TCP10L: variants seen among roughly 807,000 people sequenced by gnomAD.
TCP10L encodes the protein t-complex 10 like.
In TCP10L, 11 loss-of-function variants were observed where a neutral mutation model predicts 19.2. The ratio of observed to expected loss-of-function variants is 0.57; its 90% CI spans 0.36 to 0.95. The LOEUF (loss-of-function observed/expected upper bound fraction) is 0.95, where lower values mean the gene tolerates loss of function less well. Ranked by LOEUF, TCP10L falls within the 40% of genes least tolerant of loss-of-function variation. The pLI is 0.01. For synonymous variants in TCP10L, 96 were observed against 97.2 expected, an observed-to-expected ratio of 0.99 and a Z score of 0.07; for missense variants, 247 against 263.9, an observed-to-expected ratio of 0.94 and a Z score of 0.44.
At chr21:32,585,210 G>C (rs1299596753) in intron 1 of TCP10L, among the ~76,000 whole-genome samples, 1 of 152,216 alleles carries the variant, frequency 6.6e-6, no homozygotes, top group Non-Finnish European at 1.5e-5. Context: ...AGACCTACCA[G>C]TAACCAGATC....
At chr21:32,584,798 C>T (rs1311244210) in intron 1 of TCP10L, among the ~76,000 whole-genome samples, 3 of 152,042 alleles carry the variant, frequency 2.0e-5, no homozygotes, top group South Asian at 2.1e-4. Flanking sequence ...CTTTAATCAG[C>T]ACCCACCTGG....
chr21:32,577,110 A>C (rs2038444567), intron 4 of TCP10L, among the ~76,000 whole-genome samples, 187 bp from the exon 5 acceptor site: 3 of 152,216 alleles, frequency 2.0e-5, no homozygotes, highest in Admixed American at 2.0e-4. Flanking sequence ...CTCTTGTGAA[A>C]TTTGGGATTC....
rs2038466689 is a variant in TCP10L at position 32,579,269 on chromosome 21, C to T, written c.361-438G>A. Reference sequence around the variant, plus strand: ...CTGTTATCAGCAGACTGACCTGGAACAGGGTGATCCTTCAGGTGGGATGAG... The same window carrying T: ...CTGTTATCAGCAGACTGACCTGGAATAGGGTGATCCTTCAGGTGGGATGAG... On this transcript the variant is annotated intron_variant, in intron 3 of 4. Transcript: ENST00000300258. 2.0e-5 allele frequency among the ~76,000 whole-genome samples: 3 copies of T among 152,192 alleles called. No homozygotes were observed. The South Asian group carries it at 6.2e-4, about 32-fold the overall frequency.
rs540291894 is a variant in TCP10L, at chr21:32,573,879, G to T, written c.*2895C>A. 6.6e-6 allele frequency among the ~76,000 whole-genome samples: 1 copy of T among 152,108 alleles called. No homozygotes were observed. Among genetic ancestry groups the T allele is most frequent in the Non-Finnish European group, 1.5e-5 (1 of 68,028 alleles). On this transcript the variant is annotated 3_prime_UTR_variant, in exon 5 of 5. Transcript: ENST00000300258. ...CATACAAATAACACCTGCCATGACT[G>T]TGGCACTGTTTCTAAATGCAGATCA...
intron 3 of TCP10L, among the ~76,000 whole-genome samples, chr21:32,579,216 G>A (rs937896278): frequency 6.6e-6 from 1 of 152,208 alleles, no homozygotes; most frequent in African/African-American, 2.4e-5. Flanking sequence ...ACTTGTCTAA[G>A]ATCCAAAATG....
In TCP10L at chr21:32,576,871, T is replaced by C; in HGVS notation, c.551A>G (p.Glu184Gly). 1 of 1,614,236 alleles carries C rather than the reference T, an allele frequency of 6.2e-7. No homozygotes were observed. ...RISSWKTPPQ[E>G]NRDKNLSRRR... ...CCTGGAAAGATTTTTATCTCTATTTTCCTGTGGTGGTGTTTTCCACGAGCT... is the reference window on the plus strand; with the variant it reads ...CCTGGAAAGATTTTTATCTCTATTTCCCTGTGGTGGTGTTTTCCACGAGCT... Residue 184 changes from glutamate to glycine, a missense_variant, in exon 5 of 5, where the codon GAA becomes GGA. Transcript: ENST00000300258.
Position 32,576,378 on chromosome 21 carries a change from A to G in TCP10L, c.*396T>C. 2 of 1,194,958 alleles carry G rather than the reference A, an allele frequency of 1.7e-6. No homozygotes were observed. The highest frequency in any genetic ancestry group is 2.4e-6 in the Non-Finnish European group (2 of 847,056). 74.0% of individuals were successfully genotyped at this position (1,194,958 alleles called of 1,614,324 possible). Reference sequence around the variant, plus strand: ...TGTCACAAGGTCCCTGGAGCGGGCAATGCCTTGAGCCCAAAGGCTGGGAGC... The same window carrying G: ...TGTCACAAGGTCCCTGGAGCGGGCAGTGCCTTGAGCCCAAAGGCTGGGAGC... On this transcript the variant is annotated 3_prime_UTR_variant, in exon 5 of 5. Coordinates refer to ENST00000300258, the MANE Select transcript of TCP10L (RefSeq NM_144659.7).
chr21:32,584,134 ACT>A, intron 2 of TCP10L, 25 bp downstream of exon 2: 3 of 1,599,800 alleles, frequency 1.9e-6, no homozygotes, highest in South Asian at 1.1e-5. Context: ...GGTGGGACTA[ACT>A]CTGTCCCCAC....
At position 32,578,900 on chromosome 21, in the gene TCP10L, T is replaced by G; in HGVS notation, c.361-69A>C. 6.2e-7 allele frequency: 1 copy of G among 1,608,960 alleles called. No individual in the cohort carries two copies. Among genetic ancestry groups the G allele is most frequent in the Middle Eastern group, 1.7e-4 (1 of 5,904 alleles). On this transcript the variant is annotated intron_variant, in intron 3 of 4. Transcript: ENST00000300258. The surrounding 1 kb of genome is among the most constrained non-coding windows in gnomAD (Gnocchi z 4.2). ...AAAATAAATTCAAATTTTAATACAA[T>G]GAAGAATAATTGGAATGTCCTAGAA...
chr21:32,584,535 A>G (rs1188569092), intron 1 of TCP10L, among the ~76,000 whole-genome samples: 1 of 152,134 alleles, frequency 6.6e-6, no homozygotes, highest in African/African-American at 2.4e-5. Flanking sequence ...TCCGTGGAAA[A>G]TGCTTTAGAT....
chr21:32,582,190 CT>C lies in TCP10L; in HGVS notation c.360+9del. 1 of 1,611,412 alleles carries C rather than the reference CT, an allele frequency of 6.2e-7. No homozygotes were observed. Among genetic ancestry groups the C allele is most frequent in the Non-Finnish European group, 8.5e-7 (1 of 1,179,104 alleles). On this transcript the variant is annotated intron_variant, in intron 3 of 4. Coordinates refer to ENST00000300258, the MANE Select transcript of TCP10L (RefSeq NM_144659.7). The surrounding 1 kb of genome is among the most constrained non-coding windows in gnomAD (Gnocchi z 4.2). ...CAAACGGTACAAAAACATAAATGCG[CT>C]TTTGGTACCAGAGTGTGCGATTCTT...
rs1424522232 is a variant in TCP10L at position 32,582,464 on chromosome 21, G to A, written c.145-49C>T. 6.4e-7 allele frequency: 1 copy of A among 1,560,454 alleles called. No individual in the cohort carries two copies. Among genetic ancestry groups the A allele is most frequent in the Non-Finnish European group, 8.7e-7 (1 of 1,150,366 alleles). ...GAAAAACCTCTCAGATGTCACAATG[G>A]GCACATTTATCTGCAAAATACTCAA... On this transcript the variant is annotated intron_variant, in intron 2 of 4. Coordinates refer to ENST00000300258, the MANE Select transcript of TCP10L (RefSeq NM_144659.7). This position sits in a 1 kb window ranked among gnomAD's most constrained non-coding sequence, Gnocchi z 4.2.
rs1171975684 is a variant in TCP10L, at chr21:32,576,740, A to G, written c.*34T>C. 1 of 1,606,238 alleles carries G rather than the reference A, an allele frequency of 6.2e-7. No homozygotes were observed. Among genetic ancestry groups the G allele is most frequent in the Non-Finnish European group, 8.5e-7 (1 of 1,176,896 alleles). ...TGAATTTTCCAAGGGGCCAGTGTAG[A>G]GTGACACAGGTGTCCGAGGCCACCT... On this transcript the variant is annotated 3_prime_UTR_variant, in exon 5 of 5. Coordinates refer to ENST00000300258, the MANE Select transcript of TCP10L (RefSeq NM_144659.7).
intron 2 of TCP10L, among the ~76,000 whole-genome samples, chr21:32,583,451 T>C (rs1176503721): frequency 6.6e-6 from 1 of 150,402 alleles, no homozygotes; most frequent in African/African-American, 2.4e-5. Context: ...TAGCCGGGCG[T>C]AGTGGCGGGC....
Position 32,578,687 on chromosome 21 carries a change from G to A in TCP10L, c.498+7C>T. ...TCTCTTTACAGATGATAAGCACAAA[G>A]GGTCACCTTTGGAGGAGCTGAATTG... On this transcript the variant is annotated splice_region_variant and intron_variant, in intron 4 of 4. Coordinates refer to ENST00000300258, the MANE Select transcript of TCP10L (RefSeq NM_144659.7). The surrounding 1 kb of genome is among the most constrained non-coding windows in gnomAD (Gnocchi z 4.2). 1.2e-6 allele frequency: 2 copies of A among 1,612,904 alleles called. No homozygotes were observed. Among genetic ancestry groups the A allele is most frequent in the Non-Finnish European group, 1.7e-6 (2 of 1,179,648 alleles).
chr21:32,583,588 CAAAAAAAAAAA>C (rs771224269), intron 2 of TCP10L, among the ~76,000 whole-genome samples: 7 of 82,912 alleles, frequency 8.4e-5, no homozygotes, highest in Admixed American at 2.7e-4. Flanking sequence ...GACTCCGTCT[CAAAAAAAAAAA>C]AAAAAAAAAA....
chr21:32,580,500 G>GTA (rs1439728167), intron 3 of TCP10L, among the ~76,000 whole-genome samples: 1 of 151,222 alleles, frequency 6.6e-6, no homozygotes, highest in Non-Finnish European at 1.5e-5. Flanking sequence ...GTGTGTGTGT[G>GTA]TGTGTGTGTG....
chr21:32,574,997 G>A lies in TCP10L; in HGVS notation c.*1777C>T, dbSNP rs919191036. ...CAGGCAAACACAGAAGAGAAAAGCCGAATCCCTGTGACACTGGCTTACGGG... is the reference window on the plus strand; with the variant it reads ...CAGGCAAACACAGAAGAGAAAAGCCAAATCCCTGTGACACTGGCTTACGGG... On this transcript the variant is annotated 3_prime_UTR_variant, in exon 5 of 5. Coordinates refer to ENST00000300258, the MANE Select transcript of TCP10L (RefSeq NM_144659.7). The A allele has an allele frequency of 1.3e-5, 2 of 152,186 alleles. No individual in the cohort carries two copies. The highest frequency in any genetic ancestry group is 2.4e-5 in the African/African-American group (1 of 41,438). 9.4% of individuals were successfully genotyped at this position (152,186 alleles called of 1,614,324 possible).
In TCP10L at chr21:32,583,024, CTTTTTT is replaced by C. The variant is rs59972145; in HGVS notation, c.145-615_145-610del. 8.7e-3 allele frequency among the ~76,000 whole-genome samples: 821 copies of C among 94,716 alleles called. 9 individuals are homozygous for C. The highest frequency in any genetic ancestry group is 0.034 in the African/African-American group (770 of 22,846). The allele number at this position is 94,716 out of a possible 152,430, so 62.1% of individuals were successfully genotyped here. ...GCAAAAAGAGGCTGGCATTCTTTTCCTTTTTTTTTTTTTTTTTTTTTTTTTTTTGAG... is the reference window on the plus strand; with the variant it reads ...GCAAAAAGAGGCTGGCATTCTTTTCCTTTTTTTTTTTTTTTTTTTTTTGAG... On this transcript the variant is annotated intron_variant, in intron 2 of 4. Coordinates refer to ENST00000300258, the MANE Select transcript of TCP10L (RefSeq NM_144659.7).
Sources: gnomAD v4.1 joint callset for allele counts (sites outside exome capture counted in the v4.1 genomes callset) on GRCh38, gnomAD v4.1.1 for gene constraint, Gnocchi (gnomAD v3.1) non-coding constraint, MANE v1.5 for transcripts, NCBI Gene and HGNC (gene_info 2026-07-23, HGNC 2026-07-21) for gene names.